Variants in DOCK1 observed in about 807,000 individuals in gnomAD.
DOCK1 encodes dedicator of cytokinesis 1, also known as dedicator of cytokinesis protein 1.
In DOCK1, 138 loss-of-function variants were observed where a neutral mutation model predicts 262.7. The ratio of observed to expected loss-of-function variants is 0.53; its 90% CI spans 0.46 to 0.61. The LOEUF (loss-of-function observed/expected upper bound fraction) is 0.61. Ranked by LOEUF, DOCK1 falls within the 20% of genes least tolerant of loss-of-function variation. DOCK1 has a pLI of 0.00. For synonymous variants in DOCK1, 866 were observed against 867.4 expected (o/e 1.00, Z 0.03); for missense variants, 1,908 against 2,370.7 (o/e 0.80, Z 4.05).
intron 29 of DOCK1, chr10:127,271,949 T>C (rs983238077): frequency 2.0e-5 from 3 of 152,202 alleles, no homozygotes; most frequent in South Asian, 2.1e-4. Flanking sequence ...ATTCCTTAAT[T>C]GAATGTTGTT....
intron 39 of DOCK1, among the ~76,000 whole-genome samples, chr10:127,403,925 A>T (rs1049782610): frequency 6.6e-6 from 1 of 152,210 alleles, no homozygotes; most frequent in Non-Finnish European, 1.5e-5. Flanking sequence ...TCTGTCATGA[A>T]TTTAGAACAG....
chr10:127,110,743 A>T (rs2048816377), intron 25 of DOCK1, among the ~76,000 whole-genome samples: 1 of 152,196 alleles, frequency 6.6e-6, no homozygotes, highest in Admixed American at 6.5e-5. Flanking sequence ...TCTTATTCTG[A>T]ACTTTGCATT....
chr10:126,941,939 G>A (rs2035042030), intron 1 of DOCK1, among the ~76,000 whole-genome samples: 1 of 152,202 alleles, frequency 6.6e-6, no homozygotes. Context: ...CTTTTAAGCT[G>A]CTTTGTTTAA....
chr10:127,402,945 C>T, intron 38 of DOCK1, 110 bp from the exon 39 acceptor site: 1 of 1,016,418 alleles, frequency 9.8e-7, no homozygotes, highest in South Asian at 1.5e-5. Flanking sequence ...CATAATGTTT[C>T]ATTCAAATGT....
chr10:127,113,661 C>A (rs948986610), intron 25 of DOCK1, among the ~76,000 whole-genome samples: 7 of 152,262 alleles, frequency 4.6e-5, no homozygotes, highest in African/African-American at 1.2e-4. Context: ...ACCGTAGGTG[C>A]ATCCTGAGTT....
At position 127,198,598 on chromosome 10, in the gene DOCK1, G is replaced by A. The variant is rs113081561; in HGVS notation, c.2848-49410G>A. Among the ~76,000 whole-genome samples, 754 of 152,334 alleles carry A rather than the reference G, an allele frequency of 4.9e-3. 2 individuals are homozygous for A. The highest frequency in any genetic ancestry group is 8.0e-3 in the Non-Finnish European group (543 of 68,028). ...AACTCCAGGAAGAAAATGGAAAGCC[G>A]TAATTGGCAGGTTAGAAAATCCACT... On this transcript the variant is annotated intron_variant, in intron 27 of 51. Coordinates refer to ENST00000623213, the MANE Select transcript of DOCK1 (RefSeq NM_001290223.2).
intron 1 of DOCK1, among the ~76,000 whole-genome samples, chr10:126,938,744 G>C (rs1057511281): frequency 2.8e-5 from 4 of 141,500 alleles, no homozygotes; most frequent in African/African-American, 9.9e-5. Flanking sequence ...TTCTCCAGAG[G>C]GGATGAACAC....
Position 127,047,312 on chromosome 10 carries a change from G to A in DOCK1, c.2201+4148G>A, listed in dbSNP as rs184787290. 3.2e-4 allele frequency among the ~76,000 whole-genome samples: 48 copies of A among 152,154 alleles called. 2 individuals carry two copies. Among genetic ancestry groups the A allele is most frequent in the African/African-American group, 1.1e-3 (46 of 41,522 alleles). On this transcript the variant is annotated intron_variant, in intron 21 of 51. Coordinates refer to ENST00000623213, the MANE Select transcript of DOCK1 (RefSeq NM_001290223.2). ...CATTTAAAAATAACACATGCTCAAC[G>A]GATAAAAAATAGTAAAGAAATCTCA...
At chr10:126,967,907 G>A in intron 1 of DOCK1, among the ~76,000 whole-genome samples, 1 of 152,212 alleles carries the variant, frequency 6.6e-6, no homozygotes, top group African/African-American at 2.4e-5. Context: ...TCTGCCTCCT[G>A]GGTTCAAGCG....
intron 38 of DOCK1, among the ~76,000 whole-genome samples, chr10:127,386,039 G>A (rs369748293): frequency 6.6e-6 from 1 of 152,206 alleles, no homozygotes; most frequent in African/African-American, 2.4e-5. Context: ...ACCCACAATT[G>A]TACTGATGCC....
At position 126,995,485 on chromosome 10, in the gene DOCK1, C is replaced by T. The variant is rs543989323; in HGVS notation, c.474-1263C>T. Among the ~76,000 whole-genome samples, 16 of 152,308 alleles carry T rather than the reference C, an allele frequency of 1.1e-4. No homozygotes were observed. In the South Asian group the frequency reaches 1.4e-3, roughly 14 times the overall value. On this transcript the variant is annotated intron_variant, in intron 6 of 51. Transcript: ENST00000623213. The surrounding 1 kb of genome is among the most constrained non-coding windows in gnomAD (Gnocchi z 5.8). The stretch of plus-strand genomic sequence containing the variant: ...GAAACCCCGTCTCCATCAAAAAATA[C>T]GAAAACCAGTCAGGTGTGGCGGCGC...
intron 1 of DOCK1, among the ~76,000 whole-genome samples, chr10:126,960,745 T>TATATATATATATATATATATATATATAC (rs1429186588): frequency 2.7e-3 from 312 of 115,092 alleles, no homozygotes; most frequent in Middle Eastern, 4.5e-3. Flanking sequence ...TATATATATA[T>TATATATATATATATATATATATATATAC]ACACACACAC....
At chr10:126,969,023 T>C (rs1470877186) in intron 1 of DOCK1, among the ~76,000 whole-genome samples, 1 of 152,202 alleles carries the variant, frequency 6.6e-6, no homozygotes, top group Non-Finnish European at 1.5e-5. Context: ...GCTTTGGCTT[T>C]CTAAAAAGAA....
At chr10:127,138,147 C>T (rs1420678971) in intron 27 of DOCK1, 2 of 797,816 alleles carry the variant, frequency 2.5e-6, no homozygotes, top group African/African-American at 1.7e-5. Context: ...TTAATAATAG[C>T]AATTCGATAT....
At chr10:127,308,851 G>A (rs1183080168) in intron 29 of DOCK1, among the ~76,000 whole-genome samples, 3 of 152,142 alleles carry the variant, frequency 2.0e-5, no homozygotes, top group African/African-American at 7.2e-5. Flanking sequence ...GGGCTTTTGG[G>A]TTGGTTCCAT....
intron 30 of DOCK1, among the ~76,000 whole-genome samples, chr10:127,342,824 G>C (rs6482815): frequency 0.52 from 79,613 of 152,040 alleles, 21,610 homozygotes; most frequent in Middle Eastern, 0.68. Flanking sequence ...TTTATTGAAA[G>C]AAGAAATGTT....
chr10:127,151,393 C>G (rs1308167960), intron 27 of DOCK1, among the ~76,000 whole-genome samples: 1 of 152,132 alleles, frequency 6.6e-6, no homozygotes, highest in African/African-American at 2.4e-5. Context: ...GACCAAAAGC[C>G]TTCCAGTGTA....
intron 29 of DOCK1, among the ~76,000 whole-genome samples, chr10:127,313,995 G>A (rs2062165931): frequency 6.6e-6 from 1 of 152,100 alleles, no homozygotes; most frequent in East Asian, 1.9e-4. Context: ...TTTATGTGGT[G>A]GTTTTTGGAG....
At chr10:127,337,165 G>A (rs542890656) in intron 29 of DOCK1, among the ~76,000 whole-genome samples, 2 of 152,250 alleles carry the variant, frequency 1.3e-5, no homozygotes, top group African/African-American at 4.8e-5. Flanking sequence ...AGCCCACCCT[G>A]TAATGACAAG....
Sources: allele counts gnomAD v4.1 joint callset (sites outside exome capture counted in the v4.1 genomes callset), GRCh38; gene constraint gnomAD v4.1.1; non-coding constraint Gnocchi (gnomAD v3.1); transcripts MANE v1.5; gene names NCBI Gene and HGNC (gene_info 2026-07-23, HGNC 2026-07-21).